PAX7: variants seen among roughly 807,000 people sequenced by gnomAD.
PAX7 encodes the protein paired box protein Pax-7.
Under a neutral mutation model 50.7 loss-of-function variants are expected in PAX7, and 18 were observed. The observed-to-expected ratio is 0.36, with a 90% CI of 0.25 to 0.53. PAX7 has a LOEUF of 0.53. Among genes scored for constraint, PAX7 ranks in the 20% least tolerant of loss-of-function variants. The probability of loss-of-function intolerance (pLI) is 0.93; values close to 1 mark genes in which losing one functional copy is unlikely to be tolerated. For missense variants in PAX7, 644 were observed against 702.9 expected, an observed-to-expected ratio of 0.92 and a Z score of 0.95; for synonymous variants, 310 against 290.4, an observed-to-expected ratio of 1.07 and a Z score of -0.69.
At chr1:18,685,534 G>C (rs1012647384) in intron 4 of PAX7, among the ~76,000 whole-genome samples, 2 of 152,222 alleles carry the variant, frequency 1.3e-5, no homozygotes, top group Non-Finnish European at 2.9e-5. Flanking sequence ...ATGGGCCCAG[G>C]AAGCCTTGCT....
chr1:18,711,447 A>G (rs533176640), intron 7 of PAX7, among the ~76,000 whole-genome samples: 1 of 151,462 alleles, frequency 6.6e-6, no homozygotes, highest in Non-Finnish European at 1.5e-5. Context: ...CCCTTCTTTT[A>G]CTTCCCTGCT....
intron 8 of PAX7, among the ~76,000 whole-genome samples, chr1:18,744,348 C>A (rs1931304991): frequency 6.6e-6 from 1 of 151,850 alleles, no homozygotes; most frequent in Admixed American, 6.6e-5. Flanking sequence ...GGGAGCTGGG[C>A]ACAAAATGCA....
intron 4 of PAX7, among the ~76,000 whole-genome samples, chr1:18,647,073 G>A (rs945378522): frequency 6.0e-5 from 9 of 150,966 alleles, no homozygotes; most frequent in African/African-American, 2.2e-4. Context: ...AGGGGCGGGG[G>A]ACGGAACAAA....
chr1:18,649,857 T>G (rs2088404834), intron 4 of PAX7, among the ~76,000 whole-genome samples: 1 of 152,192 alleles, frequency 6.6e-6, no homozygotes, highest in African/African-American at 2.4e-5. Context: ...GCTGTGTCAT[T>G]CTGGAAGAGC....
chr1:18,654,177 G>T (rs1384692136), intron 4 of PAX7, among the ~76,000 whole-genome samples: 1 of 152,110 alleles, frequency 6.6e-6, no homozygotes, highest in Non-Finnish European at 1.5e-5. Flanking sequence ...GCTGGCTCTG[G>T]CTCGAATGCA....
chr1:18,739,802 C>T (rs1470904525), intron 8 of PAX7, among the ~76,000 whole-genome samples: 6 of 152,296 alleles, frequency 3.9e-5, no homozygotes, highest in African/African-American at 1.4e-4. Context: ...CGTCTTTCCT[C>T]GTCTCTAGGG....
At chr1:18,654,541 C>T (rs1212452404) in intron 4 of PAX7, among the ~76,000 whole-genome samples, 3 of 152,182 alleles carry the variant, frequency 2.0e-5, no homozygotes, top group African/African-American at 7.2e-5. Flanking sequence ...CCACTTCTTC[C>T]CAGCGAGTGG....
At chr1:18,704,216 C>T (rs926768926) in intron 7 of PAX7, among the ~76,000 whole-genome samples, 1 of 152,256 alleles carries the variant, frequency 6.6e-6, no homozygotes, top group Non-Finnish European at 1.5e-5. Flanking sequence ...CTGCGGGCCA[C>T]ATCTGTCCAG....
At chr1:18,737,229 C>T (rs1230030158) in intron 8 of PAX7, among the ~76,000 whole-genome samples, 2 of 152,268 alleles carry the variant, frequency 1.3e-5, no homozygotes, top group African/African-American at 4.8e-5. Flanking sequence ...TCAAACTAAT[C>T]AGAAGGGCGT....
chr1:18,697,829 C>T (rs1298473889), intron 5 of PAX7, among the ~76,000 whole-genome samples: 1 of 152,160 alleles, frequency 6.6e-6, no homozygotes, highest in Non-Finnish European at 1.5e-5. Flanking sequence ...GAGCTTATTG[C>T]ACTGAAAAGC....
At chr1:18,679,419 T>C (rs1250245840) in intron 4 of PAX7, among the ~76,000 whole-genome samples, 3 of 152,208 alleles carry the variant, frequency 2.0e-5, no homozygotes. Context: ...AGCCGCTTTG[T>C]GGGGCGCGGA....
At chr1:18,742,281 C>T (rs1039784175) in intron 8 of PAX7, among the ~76,000 whole-genome samples, 1 of 151,778 alleles carries the variant, frequency 6.6e-6, no homozygotes, top group Non-Finnish European at 1.5e-5. Context: ...CCTCAGCATC[C>T]CGAGTAGCTG....
intron 4 of PAX7, among the ~76,000 whole-genome samples, chr1:18,671,986 A>T (rs1180141576): frequency 2.0e-5 from 3 of 152,044 alleles, no homozygotes; most frequent in Admixed American, 6.5e-5. Context: ...CTTAAAAAAA[A>T]AAAAGTAAAT....
intron 5 of PAX7, among the ~76,000 whole-genome samples, chr1:18,694,035 G>A (rs557021713): frequency 5.9e-5 from 9 of 152,326 alleles, no homozygotes; most frequent in Non-Finnish European, 1.0e-4. Flanking sequence ...GGCTTCCCCA[G>A]TGCATGGAGC....
chr1:18,734,652 G>A (rs937488002), intron 7 of PAX7, among the ~76,000 whole-genome samples: 2 of 152,142 alleles, frequency 1.3e-5, no homozygotes, highest in African/African-American at 4.8e-5. Context: ...CCTCCTCTGT[G>A]TCCTTTGATA....
At chr1:18,682,952 C>G (rs972987957) in intron 4 of PAX7, among the ~76,000 whole-genome samples, 1 of 152,228 alleles carries the variant, frequency 6.6e-6, no homozygotes, top group African/African-American at 2.4e-5. Flanking sequence ...AGCTGCCCAG[C>G]TGCCTGGGTG....
chr1:18,642,671 A>G (rs2088274047), intron 4 of PAX7, among the ~76,000 whole-genome samples: 1 of 151,604 alleles, frequency 6.6e-6, no homozygotes, highest in South Asian at 2.1e-4. Context: ...GAAAGAGGAA[A>G]AGGTGGAAAT....
intron 4 of PAX7, among the ~76,000 whole-genome samples, chr1:18,645,950 C>A (rs2088331077): frequency 6.6e-6 from 1 of 152,216 alleles, no homozygotes; most frequent in Non-Finnish European, 1.5e-5. Context: ...TCCCGCGGTC[C>A]TCACCCTGCA....
chr1:18,657,611 A>T (rs1199959235), intron 4 of PAX7, among the ~76,000 whole-genome samples: 1 of 152,160 alleles, frequency 6.6e-6, no homozygotes, highest in Admixed American at 6.5e-5. Flanking sequence ...AGCAGGACCC[A>T]GCTCCGCTAG....
Sources: allele counts gnomAD v4.1 joint callset (sites outside exome capture counted in the v4.1 genomes callset), GRCh38; gene constraint gnomAD v4.1.1; transcripts MANE v1.5; gene names NCBI Gene and HGNC (gene_info 2026-07-23, HGNC 2026-07-21).